Variants in RHOT1 observed in about 807,000 individuals in gnomAD.
RHOT1 encodes ras homolog family member T1.
Under a neutral mutation model 95.3 loss-of-function variants are expected in RHOT1, and 27 were observed. That is an observed-to-expected ratio of 0.28 (90% CI 0.21 to 0.39). RHOT1 has a LOEUF of 0.39. RHOT1 is among the 10% of genes least tolerant of loss of function. The pLI is 1.00. For missense variants in RHOT1, 578 were observed against 786.7 expected, an observed-to-expected ratio of 0.73 and a Z score of 3.17; for synonymous variants, 227 against 263.5, an observed-to-expected ratio of 0.86 and a Z score of 1.34.
Position 32,159,090 on chromosome 17 carries a change from C to T in RHOT1, c.38-11953C>T, listed in dbSNP as rs112605093. 2.1e-3 allele frequency among the ~76,000 whole-genome samples: 322 copies of T among 152,312 alleles called. 1 individual carries two copies. The highest frequency in any genetic ancestry group is 4.1e-3 in the South Asian group (20 of 4,828). On this transcript the variant is annotated intron_variant, in intron 1 of 19. Transcript: ENST00000545287. ...CCACTATGGCCTCAACCTCTCCCCACACCGTGTCTCAGGAGCCCATGAGCA... is the reference window on the plus strand; with the variant it reads ...CCACTATGGCCTCAACCTCTCCCCATACCGTGTCTCAGGAGCCCATGAGCA...
At chr17:32,167,490 T>C (rs1309291400) in intron 1 of RHOT1, among the ~76,000 whole-genome samples, 1 of 151,858 alleles carries the variant, frequency 6.6e-6, no homozygotes, top group African/African-American at 2.4e-5. Flanking sequence ...CAATGCCCGG[T>C]TAATTTTTGT....
At chr17:32,188,733 T>C (rs1338407248) in intron 8 of RHOT1, among the ~76,000 whole-genome samples, 1 of 152,240 alleles carries the variant, frequency 6.6e-6, no homozygotes, top group Non-Finnish European at 1.5e-5. Flanking sequence ...TGTAGAAGTT[T>C]GATTTCTTTC....
intron 15 of RHOT1, 72 bp from the exon 16 acceptor site, chr17:32,203,818 A>T: frequency 9.5e-7 from 1 of 1,052,912 alleles, no homozygotes; most frequent in Non-Finnish European, 1.5e-6. Context: ...ACCTGCACAT[A>T]TACACAGAGA....
intron 2 of RHOT1, among the ~76,000 whole-genome samples, chr17:32,172,628 T>C (rs1468202450): frequency 6.6e-6 from 1 of 151,658 alleles, no homozygotes; most frequent in Non-Finnish European, 1.5e-5. Context: ...AGGTCAGGAG[T>C]TCAAGACCAG....
chr17:32,212,698 C>G (rs994035200), intron 19 of RHOT1, among the ~76,000 whole-genome samples: 1 of 151,854 alleles, frequency 6.6e-6, no homozygotes, highest in African/African-American at 2.4e-5. Context: ...AATGTTTTCC[C>G]TATAACTTTC....
intron 1 of RHOT1, among the ~76,000 whole-genome samples, chr17:32,163,274 T>C (rs563569851): frequency 3.4e-4 from 51 of 152,238 alleles, no homozygotes; most frequent in African/African-American, 1.1e-3. Context: ...GATTTTTCAA[T>C]AAAAGTACCA....
intron 1 of RHOT1, among the ~76,000 whole-genome samples, chr17:32,146,677 C>G (rs1425583168): frequency 7.0e-6 from 1 of 142,004 alleles, no homozygotes; most frequent in Non-Finnish European, 1.5e-5. Flanking sequence ...GCAGGATGGT[C>G]TCGATCTCCT....
chr17:32,199,383 C>G (rs760457048), intron 12 of RHOT1, 22 bp from the exon 13 acceptor site: 7 of 1,596,296 alleles, frequency 4.4e-6, no homozygotes, highest in East Asian at 2.3e-5. Context: ...TCTAAACATT[C>G]TGTATCCTTG....
intron 19 of RHOT1, among the ~76,000 whole-genome samples, chr17:32,224,082 C>T (rs992226975): frequency 5.9e-5 from 9 of 152,086 alleles, no homozygotes; most frequent in South Asian, 2.1e-4. Flanking sequence ...CCTCCCCCTT[C>T]GGGTTTTTTG....
At chr17:32,180,855 A>C (rs1289161517) in intron 6 of RHOT1, among the ~76,000 whole-genome samples, 1 of 152,148 alleles carries the variant, frequency 6.6e-6, no homozygotes, top group Non-Finnish European at 1.5e-5. Flanking sequence ...GCTAATTTTT[A>C]AAAAACTTTT....
intron 1 of RHOT1, chr17:32,150,356 CT>C (rs375982172): frequency 0.073 from 22,029 of 300,400 alleles, no homozygotes; most frequent in East Asian, 0.11. Context: ...TGCTAATGAA[CT>C]TTTTTTTTTT....
In RHOT1 at chr17:32,176,273, A is replaced by G. The variant is rs114586393; in HGVS notation, c.329+60A>G. ...AAAGTTTAAAGCTTGCAGAAAAGGT[A>G]CAAGAAGTAGTACATTGAACTTCCC... On this transcript the variant is annotated intron_variant, in intron 6 of 19. Transcript: ENST00000545287. 11,296 of 1,338,376 alleles carry G rather than the reference A, an allele frequency of 8.4e-3. 760 individuals carry two copies. In the African/African-American group the frequency reaches 0.14, roughly 17 times the overall value. 82.9% of individuals were successfully genotyped at this position (1,338,376 alleles called of 1,614,324 possible).
intron 2 of RHOT1, among the ~76,000 whole-genome samples, chr17:32,171,791 C>G (rs151122616): frequency 6.6e-6 from 1 of 152,180 alleles, no homozygotes; most frequent in African/African-American, 2.4e-5. Context: ...TTAATATGAT[C>G]TACCTGCTTC....
chr17:32,175,218 T>C, intron 3 of RHOT1, 101 bp from the exon 4 acceptor site: 2 of 980,336 alleles, frequency 2.0e-6, no homozygotes, highest in Non-Finnish European at 3.2e-6. Context: ...CACCATGTCA[T>C]TTTGAGGGAT....
intron 18 of RHOT1, chr17:32,209,293 C>G (rs1235132845): frequency 3.1e-6 from 3 of 958,642 alleles, no homozygotes; most frequent in Non-Finnish European, 3.1e-6. Flanking sequence ...ATAGAATAAC[C>G]AAAACCTTAT....
intron 9 of RHOT1, among the ~76,000 whole-genome samples, chr17:32,192,719 T>C (rs1364861163): frequency 6.6e-6 from 1 of 151,178 alleles, no homozygotes; most frequent in African/African-American, 2.4e-5. Context: ...TCACCCAGGC[T>C]GTAGTGCAAT....
At position 32,208,309 on chromosome 17, in the gene RHOT1, C is replaced by T; in HGVS notation, c.1739C>T (p.Pro580Leu). 1 of 1,612,650 alleles carries T rather than the reference C, an allele frequency of 6.2e-7. No individual in the cohort carries two copies. Among genetic ancestry groups the T allele is most frequent in the Non-Finnish European group, 8.5e-7 (1 of 1,178,748 alleles). Residue 580 changes from proline to leucine, a missense_variant and splice_region_variant, in exon 18 of 20, where the codon CCC (proline) becomes CTC (leucine). Physicochemically the swap from Pro to Leu is moderately conservative, Grantham distance 98. This residue lies in a region of RHOT1 where 296 missense variants were observed against 338.5 expected (regional missense o/e 0.87). Coordinates refer to ENST00000545287, the MANE Select transcript of RHOT1 (RefSeq NM_001033566.3). ...FVKLTTMAMY[P>L]HARLRCMCTC... ...AAATTGACAACAATGGCCATGTATC[C>T]GTAAGTACTTGCTGTCTTCATTTTC... is the stretch of plus-strand genomic sequence containing the variant.
intron 1 of RHOT1, among the ~76,000 whole-genome samples, chr17:32,149,315 A>ATGAAGT (rs913005162): frequency 6.6e-6 from 1 of 151,222 alleles, no homozygotes; most frequent in African/African-American, 2.4e-5. Context: ...TATAGTAAAT[A>ATGAAGT]TGAAGTTTAA....
chr17:32,142,642 G>T lies in RHOT1; in HGVS notation c.-51G>T. ...CGTGGGGTGGGTGCTCCTGGTGAGA[G>T]GAGTCCACTCCGTGCGTGCGGGCGG... On this transcript the variant is annotated 5_prime_UTR_variant, in exon 1 of 20. In the 5' UTR this introduces an upstream ATG that the reference lacks. Transcript: ENST00000545287. 1 of 1,483,384 alleles carries T rather than the reference G, an allele frequency of 6.7e-7. No individual in the cohort carries two copies. 91.9% of individuals were successfully genotyped at this position (1,483,384 alleles called of 1,614,324 possible).
Sources: allele counts gnomAD v4.1 joint callset (sites outside exome capture counted in the v4.1 genomes callset), GRCh38; gene constraint gnomAD v4.1.1; regional missense constraint gnomAD v4.1.1; transcripts MANE v1.5; gene names NCBI Gene and HGNC (gene_info 2026-07-23, HGNC 2026-07-21).